The following CDC42BPA variants were observed in gnomAD, a reference collection of about 807,000 sequenced individuals.
CDC42BPA encodes the protein CDC42 binding protein kinase alpha.
Under a neutral mutation model 223.5 loss-of-function variants are expected in CDC42BPA, and 80 were observed. The observed-to-expected ratio is 0.36, with a 90% CI of 0.30 to 0.43. The LOEUF is 0.43. CDC42BPA is among the 20% of genes least tolerant of loss of function. CDC42BPA has a pLI of 1.00. For synonymous variants in CDC42BPA, 694 were observed against 718.6 expected, an observed-to-expected ratio of 0.97 and a Z score of 0.55; for missense variants, 1,743 against 2,099.9, an observed-to-expected ratio of 0.83 and a Z score of 3.32.
chr1:227,166,530 T>C (rs895565583), intron 5 of CDC42BPA, among the ~76,000 whole-genome samples: 2 of 152,190 alleles, frequency 1.3e-5, no homozygotes, highest in South Asian at 4.1e-4. Context: ...AAGAAAACAT[T>C]TGACCAAGAC....
At chr1:227,104,291 T>C (rs9426600) in intron 14 of CDC42BPA, among the ~76,000 whole-genome samples, 10,534 of 152,188 alleles carry the variant, frequency 0.069, 559 homozygotes, top group East Asian at 0.25. Flanking sequence ...AAGAAAATGA[T>C]ACAGAAAAAG....
At chr1:227,196,338 C>CTTTTTCTTTT (rs1670686280) in intron 4 of CDC42BPA, among the ~76,000 whole-genome samples, 1 of 92,352 alleles carries the variant, frequency 1.1e-5, no homozygotes, top group Non-Finnish European at 1.9e-5. Flanking sequence ...TTAAACAATA[C>CTTTTTCTTTT]TTTTTTTTTT....
intron 14 of CDC42BPA, among the ~76,000 whole-genome samples, chr1:227,105,354 C>CTTT (rs1685720086): frequency 8.8e-6 from 1 of 113,624 alleles, no homozygotes; most frequent in East Asian, 2.7e-4. Context: ...TTTGCCTATT[C>CTTT]TCTTTTTTTT....
Position 227,145,491 on chromosome 1 carries a change from A to G in CDC42BPA, c.1141T>C (p.Ser381Pro). 1.2e-6 allele frequency: 2 copies of G among 1,612,526 alleles called. No homozygotes were observed. Among genetic ancestry groups the G allele is most frequent in the Non-Finnish European group, 1.7e-6 (2 of 1,179,112 alleles). The change falls in exon 8 of 37, where the codon TCT becomes CCT. Residue 381 changes from serine (S) to proline (P), a missense_variant and splice_region_variant. Ser to Pro is a moderately conservative substitution (Grantham distance 74). Around this residue, in one of 6 missense-constraint regions of CDC42BPA, gnomAD observed 321 missense variants for 488.7 expected, o/e 0.66. Transcript: ENST00000366766. ...CTTCTTCACAGTGTCATACTTACAG[A>G]ATTTTTTAAACAATCATCATCTACA... ...FDVDDDCLKN[S>P]ETMPPPTHTA... is the part of the protein sequence containing the mutation.
At chr1:227,125,551 C>T (rs779710888) in intron 11 of CDC42BPA, among the ~76,000 whole-genome samples, 3 of 147,532 alleles carry the variant, frequency 2.0e-5, no homozygotes, top group Non-Finnish European at 4.5e-5. Context: ...GAGCTGAGAT[C>T]GCGTCACTGC....
At chr1:227,309,947 A>C (rs1403432630) in intron 1 of CDC42BPA, among the ~76,000 whole-genome samples, 1 of 152,204 alleles carries the variant, frequency 6.6e-6, no homozygotes, top group Non-Finnish European at 1.5e-5. Flanking sequence ...AGTGCACATG[A>C]CTTTCACACA....
chr1:227,190,212 G>A (rs752645706), intron 5 of CDC42BPA, among the ~76,000 whole-genome samples: 2 of 151,996 alleles, frequency 1.3e-5, no homozygotes, highest in Admixed American at 1.3e-4. Flanking sequence ...ATCCTTCAAA[G>A]CCCCTCCATT....
At chr1:227,297,517 A>C (rs1690852221) in intron 1 of CDC42BPA, among the ~76,000 whole-genome samples, 1 of 152,200 alleles carries the variant, frequency 6.6e-6, no homozygotes, top group African/African-American at 2.4e-5. Context: ...CATAATAACC[A>C]AAAGGTGGAA....
rs990236372 is a variant in CDC42BPA at position 227,016,301 on chromosome 1, T to A, written c.4740-104A>T. 15 of 712,040 alleles carry A rather than the reference T, an allele frequency of 2.1e-5. No individual in the cohort carries two copies. The African/African-American group carries it at 2.4e-4, about 11-fold the overall frequency. The allele number at this position is 712,040 out of a possible 1,614,324, so 44.1% of individuals were successfully genotyped here. On this transcript the variant is annotated intron_variant, in intron 33 of 36. Coordinates refer to ENST00000366766, the MANE Select transcript of CDC42BPA (RefSeq NM_001394014.1). ...TCTTAATAAAAATACAACTGTTAAA[T>A]CACATTAATAAGAATATAGAGTAAC...
chr1:227,060,028 T>TG, intron 21 of CDC42BPA, among the ~76,000 whole-genome samples: 1 of 88,716 alleles, frequency 1.1e-5, no homozygotes, highest in South Asian at 4.0e-4. Context: ...AAGTTTTTTT[T>TG]TGTTTTTTTT....
intron 2 of CDC42BPA, among the ~76,000 whole-genome samples, chr1:227,237,033 A>G (rs1045412302): frequency 2.0e-5 from 2 of 99,982 alleles, no homozygotes; most frequent in African/African-American, 8.3e-5. Flanking sequence ...ACAGAATGAG[A>G]CCCGGTCTCC....
At chr1:227,202,405 C>T (rs1288180394) in intron 3 of CDC42BPA, among the ~76,000 whole-genome samples, 3 of 152,122 alleles carry the variant, frequency 2.0e-5, no homozygotes, top group Admixed American at 2.0e-4. Context: ...TTTGTAAAGA[C>T]TGTCAGAGCC....
At chr1:227,316,467 A>C (rs78149133) in intron 1 of CDC42BPA, among the ~76,000 whole-genome samples, 447 of 152,322 alleles carry the variant, frequency 2.9e-3, no homozygotes, top group Non-Finnish European at 4.9e-3. Flanking sequence ...TAATCTTACA[A>C]ACATAATTTT....
chr1:227,084,547 T>TAAAAA (rs1179303863), intron 16 of CDC42BPA, among the ~76,000 whole-genome samples: 2 of 123,270 alleles, frequency 1.6e-5, no homozygotes, highest in Non-Finnish European at 1.7e-5. Flanking sequence ...AAAAAAAAAT[T>TAAAAA]TTTTTTTCAT....
chr1:227,307,932 T>G (rs550709385), intron 1 of CDC42BPA, among the ~76,000 whole-genome samples: 123 of 152,304 alleles, frequency 8.1e-4, no homozygotes, highest in African/African-American at 2.2e-3. Flanking sequence ...TTTGTTGTTG[T>G]TGGTGGATGA....
At chr1:227,287,848 C>T (rs1310126608) in intron 1 of CDC42BPA, among the ~76,000 whole-genome samples, 1 of 152,176 alleles carries the variant, frequency 6.6e-6, no homozygotes, top group East Asian at 1.9e-4. Context: ...TGTTCAACAT[C>T]GTCCTTCTAG....
intron 6 of CDC42BPA, among the ~76,000 whole-genome samples, chr1:227,159,656 A>G (rs1663489489): frequency 6.6e-6 from 1 of 152,044 alleles, no homozygotes; most frequent in Non-Finnish European, 1.5e-5. Flanking sequence ...AGTTAAAAAA[A>G]AAAAAAAACA....
In CDC42BPA at chr1:227,063,046, G is replaced by A. The variant is rs555846120; in HGVS notation, c.2904+6731C>T. 7.2e-5 allele frequency among the ~76,000 whole-genome samples: 11 copies of A among 152,140 alleles called. No homozygotes were observed. In the South Asian group the frequency reaches 2.3e-3, roughly 32 times the overall value. Reference sequence around the variant, plus strand: ...AGCTAATAATGATACTATCACCACAGCAATGATTTCTTACCAAAGTGTTTA... The same window carrying A: ...AGCTAATAATGATACTATCACCACAACAATGATTTCTTACCAAAGTGTTTA... On this transcript the variant is annotated intron_variant, in intron 21 of 36. Coordinates refer to ENST00000366766, the MANE Select transcript of CDC42BPA (RefSeq NM_001394014.1).
Position 227,317,392 on chromosome 1 carries a change from T to C in CDC42BPA, c.-210A>G. The stretch of plus-strand genomic sequence containing the variant: ...TCAATTTCACCCATATACATATATT[T>C]TGAGGGTAAATTACCATAAAATATA... On this transcript the variant is annotated 5_prime_UTR_variant, in exon 1 of 37. Coordinates refer to ENST00000366766, the MANE Select transcript of CDC42BPA (RefSeq NM_001394014.1). 1 of 462,200 alleles carries C rather than the reference T, an allele frequency of 2.2e-6. No homozygotes were observed. The highest frequency in any genetic ancestry group is 3.7e-6 in the Non-Finnish European group (1 of 266,744). The allele number at this position is 462,200 out of a possible 1,614,324, so 28.6% of individuals were successfully genotyped here.
Sources: allele counts gnomAD v4.1 joint callset (sites outside exome capture counted in the v4.1 genomes callset), GRCh38; gene constraint gnomAD v4.1.1; regional missense constraint gnomAD v4.1.1; transcripts MANE v1.5; gene names NCBI Gene and HGNC (gene_info 2026-07-23, HGNC 2026-07-21).